Variants in MORF4L1 observed in about 807,000 individuals in gnomAD.
The protein encoded by MORF4L1 is mortality factor 4 like 1.
A neutral mutation model predicts 52.9 loss-of-function variants in MORF4L1; 4 were observed. The ratio of observed to expected loss-of-function variants is 0.08; its 90% CI spans 0.04 to 0.17. MORF4L1 has a LOEUF of 0.17. Ranked by LOEUF, MORF4L1 falls within the 10% of genes least tolerant of loss-of-function variation. The pLI, the probability that MORF4L1 is intolerant of heterozygous loss-of-function variation, is 1.00. For missense variants in MORF4L1, 214 were observed against 390.4 expected (o/e 0.55, Z 3.81); for synonymous variants, 123 against 134.8 (o/e 0.91, Z 0.61).
chr15:78,891,453 A>G (rs1305022824), intron 6 of MORF4L1, 31 bp from the exon 7 acceptor site: 1 of 1,557,388 alleles, frequency 6.4e-7, no homozygotes, highest in Non-Finnish European at 8.9e-7. Flanking sequence ...TAAATTAGCT[A>G]AATGAGACCC....
At chr15:78,887,820 C>G (rs1430549701) in intron 5 of MORF4L1, among the ~76,000 whole-genome samples, 1 of 152,286 alleles carries the variant, frequency 6.6e-6, no homozygotes, top group East Asian at 1.9e-4. Context: ...CTCTTGTTGC[C>G]CAGGCTGGAG....
intron 11 of MORF4L1, 44 bp downstream of exon 11, chr15:78,894,948 C>A (rs773628884): frequency 2.5e-5 from 37 of 1,461,118 alleles, no homozygotes; most frequent in Non-Finnish European, 3.3e-5. Flanking sequence ...TGAAAATTAG[C>A]GTGTAATGGG....
At chr15:78,891,199 G>C (rs1024277088) in intron 6 of MORF4L1, 185 bp downstream of exon 6, 1 of 772,166 alleles carries the variant, frequency 1.3e-6, no homozygotes, top group Non-Finnish European at 2.1e-6. Context: ...GGAGAAACTT[G>C]TGAGCATTTA....
At chr15:78,889,134 A>G (rs2056756107) in intron 5 of MORF4L1, among the ~76,000 whole-genome samples, 1 of 152,196 alleles carries the variant, frequency 6.6e-6, no homozygotes, top group Admixed American at 6.5e-5. Context: ...ATGGCTGAGT[A>G]AATATATGAA....
At chr15:78,894,583 AT>A in intron 10 of MORF4L1, 1 of 464,666 alleles carries the variant, frequency 2.2e-6, no homozygotes, top group South Asian at 2.7e-5. Flanking sequence ...TAATTTTTGT[AT>A]TTTCTGTAGA....
intron 7 of MORF4L1, among the ~76,000 whole-genome samples, 174 bp from the exon 8 acceptor site, chr15:78,892,038 C>T (rs2056809910): frequency 6.6e-6 from 1 of 152,142 alleles, no homozygotes; most frequent in Non-Finnish European, 1.5e-5. Context: ...TCTTTTCTCC[C>T]AACAGCGAAC....
intron 3 of MORF4L1, 32 bp from the exon 4 acceptor site, chr15:78,886,109 T>C (rs2056698658): frequency 1.9e-6 from 3 of 1,544,172 alleles, no homozygotes; most frequent in East Asian, 4.5e-5. Context: ...CAGAGTATTT[T>C]TGAGTTAAAT....
At chr15:78,889,116 C>T (rs992981509) in intron 5 of MORF4L1, among the ~76,000 whole-genome samples, 23 of 152,134 alleles carry the variant, frequency 1.5e-4, no homozygotes, top group African/African-American at 5.6e-4. Context: ...GTCTCCACTA[C>T]AAAAATAATG....
chr15:78,885,355 A>G (rs1447959184), intron 3 of MORF4L1, among the ~76,000 whole-genome samples: 1 of 152,216 alleles, frequency 6.6e-6, no homozygotes, highest in Non-Finnish European at 1.5e-5. Flanking sequence ...TTGGGGGAAA[A>G]AACACATAAT....
At chr15:78,880,481 A>C (rs760763934) in intron 2 of MORF4L1, 31 bp from the exon 3 acceptor site, 5 of 1,526,458 alleles carry the variant, frequency 3.3e-6, no homozygotes, top group Non-Finnish European at 4.5e-6. Flanking sequence ...AAAATTTCTA[A>C]GTGAATTATT....
In MORF4L1 at chr15:78,892,332, C is replaced by G. The variant is rs1409042047; in HGVS notation, c.540+19C>G. 1.3e-6 allele frequency: 2 copies of G among 1,555,722 alleles called. No individual in the cohort carries two copies. Among genetic ancestry groups the G allele is most frequent in the Admixed American group, 1.7e-5 (1 of 59,704 alleles). ...AAAACAGGTAACTTGAAAAGCTACC[C>G]AGATTGTTAAGCTATATGATACATT... is the stretch of plus-strand genomic sequence containing the variant. On this transcript the variant is annotated intron_variant, in intron 8 of 11. Transcript: ENST00000426013.
Position 78,892,221 on chromosome 15 carries a change from T to C in MORF4L1, c.448T>C (p.Phe150Leu). The C allele has an allele frequency of 6.2e-7, 1 of 1,611,446 alleles. No homozygotes were observed. Among genetic ancestry groups the C allele is most frequent in the Non-Finnish European group, 8.5e-7 (1 of 1,178,592 alleles). Residue 150 changes from phenylalanine (F) to leucine (L), a missense_variant, in exon 8 of 12, where the codon TTC becomes CTC. Phe to Leu is a conservative substitution (Grantham distance 22). Transcript: ENST00000426013. Reference sequence around the variant, plus strand: ...TCCTGTTTCTGTTTAGGAGGAAACATTCATGAACAGAGTTGAAGTTAAAGT... The same window carrying C: ...TCCTGTTTCTGTTTAGGAGGAAACACTCATGAACAGAGTTGAAGTTAAAGT... The part of the protein sequence containing the change: ...VDPTVENEET[F>L]MNRVEVKVKI...
intron 11 of MORF4L1, 97 bp downstream of exon 11, chr15:78,895,001 G>A: frequency 1.0e-6 from 1 of 957,562 alleles, no homozygotes; most frequent in Non-Finnish European, 1.7e-6. Context: ...ACATTATATT[G>A]GTACAGGCAT....
intron 1 of MORF4L1, 30 bp from the exon 2 acceptor site, chr15:78,878,183 T>C: frequency 6.3e-7 from 1 of 1,595,134 alleles, no homozygotes; most frequent in Non-Finnish European, 8.5e-7. Flanking sequence ...GAGAAGAAAT[T>C]ACAATTCAGT....
rs188651138 is a variant in MORF4L1, at chr15:78,888,283, C to T, written c.323+934C>T. Among the ~76,000 whole-genome samples, 317 of 151,856 alleles carry T rather than the reference C, an allele frequency of 2.1e-3. 2 individuals are homozygous for T. Among genetic ancestry groups the T allele is most frequent in the African/African-American group, 7.3e-3 (302 of 41,432 alleles). On this transcript the variant is annotated intron_variant, in intron 5 of 11. Coordinates refer to ENST00000426013, the MANE Select transcript of MORF4L1 (RefSeq NM_006791.4). ...AGTTTGAGACCAACTTGGGCAACAT[C>T]GGGAGCCTCTGGTTCTACAGAAAAA... is the stretch of plus-strand genomic sequence containing the variant.
rs901406148 is a variant in MORF4L1 at position 78,889,625 on chromosome 15, G to A, written c.324-1364G>A. 3.3e-5 allele frequency among the ~76,000 whole-genome samples: 5 copies of A among 152,188 alleles called. No individual in the cohort carries two copies. In the South Asian group the frequency reaches 8.3e-4, roughly 25 times the overall value. On this transcript the variant is annotated intron_variant, in intron 5 of 11. Coordinates refer to ENST00000426013, the MANE Select transcript of MORF4L1 (RefSeq NM_006791.4). Reference sequence around the variant, plus strand: ...TCTCTTGGTCTCCACATATTGACACGTGCAAGTAAAGTTCATGGTTGACTT... The same window carrying A: ...TCTCTTGGTCTCCACATATTGACACATGCAAGTAAAGTTCATGGTTGACTT...
chr15:78,878,729 G>T (rs1331695776), intron 2 of MORF4L1, among the ~76,000 whole-genome samples: 1 of 152,192 alleles, frequency 6.6e-6, no homozygotes. Flanking sequence ...CTTTGTATCA[G>T]GGTGTGCTCA....
At chr15:78,882,972 T>C (rs1416562456) in intron 3 of MORF4L1, among the ~76,000 whole-genome samples, 1 of 152,130 alleles carries the variant, frequency 6.6e-6, no homozygotes, top group African/African-American at 2.4e-5. Context: ...CTCAACACTT[T>C]GGGAGGCCAA....
intron 1 of MORF4L1, among the ~76,000 whole-genome samples, chr15:78,877,019 G>C (rs2056505593): frequency 6.6e-6 from 1 of 151,302 alleles, no homozygotes; most frequent in African/African-American, 2.4e-5. Flanking sequence ...TGCTCACTGC[G>C]ACCTCCAGCT....
Sources: allele counts gnomAD v4.1 joint callset (sites outside exome capture counted in the v4.1 genomes callset), GRCh38; gene constraint gnomAD v4.1.1; transcripts MANE v1.5; gene names NCBI Gene and HGNC (gene_info 2026-07-23, HGNC 2026-07-21).